Variants in TBC1D31 observed in about 807,000 individuals in gnomAD.
TBC1D31 encodes the protein TBC1 domain family member 31, also known as WD repeat domain 67.
TBC1D31 carries 99 observed loss-of-function variants against 132.9 expected under a neutral mutation model. The observed-to-expected ratio is 0.74, with a 90% CI of 0.63 to 0.88. The LOEUF is 0.88. Ranked by LOEUF, TBC1D31 falls within the 40% of genes least tolerant of loss-of-function variation. TBC1D31 has a pLI of 0.00. For missense variants in TBC1D31, 1,134 were observed against 1,256.6 expected, an observed-to-expected ratio of 0.90 and a Z score of 1.48; for synonymous variants, 385 against 419.4, an observed-to-expected ratio of 0.92 and a Z score of 1.00.
At chr8:123,097,474 T>C in intron 6 of TBC1D31, 33 bp downstream of exon 6, 1 of 1,601,938 alleles carries the variant, frequency 6.2e-7, no homozygotes, top group Admixed American at 1.7e-5. Context: ...ACTGTACTTT[T>C]TGAGAAAGAA....
At chr8:123,093,164 G>T (rs539727898) in intron 4 of TBC1D31, among the ~76,000 whole-genome samples, 2 of 151,992 alleles carry the variant, frequency 1.3e-5, no homozygotes, top group African/African-American at 4.8e-5. Context: ...GGCCAGGCTG[G>T]TCTCGAACTT....
intron 2 of TBC1D31, 138 bp downstream of exon 2, chr8:123,077,395 A>G (rs1368710319): frequency 2.4e-6 from 2 of 819,200 alleles, no homozygotes; most frequent in Admixed American, 3.4e-5. Flanking sequence ...AAATACTGTC[A>G]TAAGTGCTAA....
At chr8:123,151,713 G>GT in intron 21 of TBC1D31, 93 bp from the exon 22 acceptor site, 1 of 1,288,794 alleles carries the variant, frequency 7.8e-7, no homozygotes, top group Non-Finnish European at 1.0e-6. Context: ...TTCATTATTT[G>GT]TTTTTACAAC....
Position 123,109,326 on chromosome 8 carries a change from C to A in TBC1D31, c.1219C>A (p.Pro407Thr). 6.3e-7 allele frequency: 1 copy of A among 1,587,998 alleles called. No individual in the cohort carries two copies. The highest frequency in any genetic ancestry group is 8.6e-7 in the Non-Finnish European group (1 of 1,159,816). Residue 407 changes from proline to threonine, a missense_variant, in exon 9 of 22, where the codon CCA becomes ACA. Coordinates refer to ENST00000287380, the MANE Select transcript of TBC1D31 (RefSeq NM_145647.4). Reference protein sequence around the residue: ...GDFESKKNELPDGLNKKRLQI... With the variant: ...GDFESKKNELTDGLNKKRLQI... ...GTCTTTTTCTTTGTAGAATGAATTA[C>A]CAGATGGATTAAACAAAAAGCGTTT... is the stretch of plus-strand genomic sequence containing the variant.
Position 123,100,920 on chromosome 8 carries a change from C to A in TBC1D31, c.945C>A (p.Ser315Arg). The A allele has an allele frequency of 6.2e-7, 1 of 1,613,868 alleles. No individual in the cohort carries two copies. Among genetic ancestry groups the A allele is most frequent in the Non-Finnish European group, 8.5e-7 (1 of 1,179,858 alleles). Residue 315 changes from serine (S) to arginine (R), a missense_variant, in exon 7 of 22, where the codon AGC (serine) becomes AGA (arginine). By Grantham distance (110) the Ser-to-Arg change is moderately radical (BLOSUM62 -1). Coordinates refer to ENST00000287380, the MANE Select transcript of TBC1D31 (RefSeq NM_145647.4). ...AAGGAATTAGCTCATCAGCAATTAGCCCACATGGACGGTACATTGCATCTA... is the reference window on the plus strand; with the variant it reads ...AAGGAATTAGCTCATCAGCAATTAGACCACATGGACGGTACATTGCATCTA... The part of the protein sequence containing the change: ...LDEGISSSAI[S>R]PHGRYIASIM...
rs544995570 is a variant in TBC1D31 at position 123,109,332 on chromosome 8, G to A, written c.1225G>A (p.Gly409Arg). 6.7e-5 allele frequency: 106 copies of A among 1,592,712 alleles called. 1 individual carries two copies. The South Asian group carries it at 1.2e-3, about 18-fold the overall frequency. ...TTCTTTGTAGAATGAATTACCAGAT[G>A]GATTAAACAAAAAGCGTTTACAAAT... is the stretch of plus-strand genomic sequence containing the variant. ...FESKKNELPD[G>R]LNKKRLQILL... Residue 409 changes from glycine to arginine, a missense_variant, in exon 9 of 22, where the codon GGA (glycine) becomes AGA (arginine). Transcript: ENST00000287380.
intron 11 of TBC1D31, 62 bp from the exon 12 acceptor site, chr8:123,125,994 C>T: frequency 7.5e-7 from 1 of 1,340,494 alleles, no homozygotes; most frequent in South Asian, 1.8e-5. Context: ...TTAAGAATTG[C>T]AAAGAGTTTT....
intron 17 of TBC1D31, among the ~76,000 whole-genome samples, chr8:123,134,841 C>T (rs902971094): frequency 2.0e-5 from 3 of 152,178 alleles, no homozygotes; most frequent in African/African-American, 4.8e-5. Flanking sequence ...CAATACCTCA[C>T]AAGGATCCTG....
chr8:123,140,836 C>T lies in TBC1D31; in HGVS notation c.2575C>T (p.Leu859Phe). Residue 859 changes from leucine to phenylalanine, a missense_variant, in exon 18 of 22, where the codon CTT becomes TTT. Leu to Phe is a conservative substitution (Grantham distance 22). Coordinates refer to ENST00000287380, the MANE Select transcript of TBC1D31 (RefSeq NM_145647.4). ...AGATGCCTATAGACGAAAAGTGGAT[C>T]TTGAAGAACACATGTTTCATAAGCT... The part of the protein sequence containing the change: ...DADAYRRKVD[L>F]EEHMFHKLIE... 2.5e-6 allele frequency: 4 copies of T among 1,613,542 alleles called. No individual in the cohort carries two copies. The highest frequency in any genetic ancestry group is 3.4e-6 in the Non-Finnish European group (4 of 1,179,766).
At chr8:123,161,004 G>C in the TBC1D31 span, among the ~76,000 whole-genome samples, 1 of 152,138 alleles carries the variant, frequency 6.6e-6, no homozygotes, top group Non-Finnish European at 1.5e-5. Flanking sequence ...AACGAGGGTG[G>C]TCAGGGTCGC....
intron 20 of TBC1D31, among the ~76,000 whole-genome samples, chr8:123,148,148 C>T (rs190837216): frequency 1.2e-3 from 182 of 151,248 alleles, no homozygotes; most frequent in African/African-American, 3.5e-3. Flanking sequence ...AAAATACAAA[C>T]CTATATGTGT....
chr8:123,110,828 T>A (rs886803573), intron 10 of TBC1D31, among the ~76,000 whole-genome samples: 1 of 152,228 alleles, frequency 6.6e-6, no homozygotes, highest in Admixed American at 6.5e-5. Context: ...AAAATTTTCT[T>A]ATGTAAACTT....
intron 16 of TBC1D31, among the ~76,000 whole-genome samples, chr8:123,131,977 G>A (rs577296538): frequency 6.6e-6 from 1 of 152,228 alleles, no homozygotes; most frequent in African/African-American, 2.4e-5. Context: ...TGTCAAGTTA[G>A]ACTTAACTTT....
At chr8:123,081,489 A>G (rs1274706475) in intron 2 of TBC1D31, among the ~76,000 whole-genome samples, 1 of 152,250 alleles carries the variant, frequency 6.6e-6, no homozygotes. Flanking sequence ...TACACAGTGG[A>G]TTTTGATGAC....
chr8:123,148,496 G>A (rs1056256018), intron 20 of TBC1D31, among the ~76,000 whole-genome samples: 16 of 151,974 alleles, frequency 1.1e-4, no homozygotes, highest in African/African-American at 3.1e-4. Flanking sequence ...CTAGCAATTT[G>A]GGAGACTGAG....
At chr8:123,087,411 T>G (rs1185494986) in intron 4 of TBC1D31, among the ~76,000 whole-genome samples, 8 of 152,228 alleles carry the variant, frequency 5.3e-5, no homozygotes. Flanking sequence ...AAAAATTTAC[T>G]TTGTAGTCTC....
intron 6 of TBC1D31, among the ~76,000 whole-genome samples, chr8:123,098,929 T>TATA (rs1344002931): frequency 6.6e-6 from 1 of 152,180 alleles, no homozygotes; most frequent in African/African-American, 2.4e-5. Flanking sequence ...AGGAGAACTT[T>TATA]ATAGAGTGTC....
intron 7 of TBC1D31, chr8:123,103,092 CTG>C (rs1345813924): frequency 2.6e-5 from 4 of 152,202 alleles, no homozygotes; most frequent in Admixed American, 6.5e-5. Context: ...GAACCTGACT[CTG>C]TGTTTCCCCT....
At chr8:123,098,034 G>A (rs971576925) in intron 6 of TBC1D31, among the ~76,000 whole-genome samples, 1 of 151,824 alleles carries the variant, frequency 6.6e-6, no homozygotes, top group Non-Finnish European at 1.5e-5. Context: ...AGACTGTCGT[G>A]GATCTTGTAT....
Sources: allele counts gnomAD v4.1 joint callset (sites outside exome capture counted in the v4.1 genomes callset), GRCh38; gene constraint gnomAD v4.1.1; transcripts MANE v1.5; gene names NCBI Gene and HGNC (gene_info 2026-07-23, HGNC 2026-07-21).